Variants in SPG11 observed in about 807,000 individuals in gnomAD.
The protein encoded by SPG11 is spatacsin.
A neutral mutation model predicts 274.0 loss-of-function variants in SPG11; 222 were observed. The ratio of observed to expected loss-of-function variants is 0.81; its 90% confidence interval spans 0.73 to 0.91. The LOEUF (loss-of-function observed/expected upper bound fraction) is 0.91. SPG11 is among the 40% of genes least tolerant of loss of function. The pLI is 0.00. For missense variants in SPG11, 3,114 were observed against 2,872.7 expected, an observed-to-expected ratio of 1.08 and a Z score of -1.92; for synonymous variants, 1,144 against 1,039.7, an observed-to-expected ratio of 1.10 and a Z score of -1.93.
chr15:44,622,731 A>G lies in SPG11; in HGVS notation c.2313T>C (p.Phe771=). The G allele has an allele frequency of 1.9e-6, 3 of 1,612,232 alleles. 1 individual carries two copies. In the South Asian group the frequency reaches 3.3e-5, roughly 18 times the overall value. Residue 771 remains phenylalanine, a synonymous_variant, in exon 12 of 40, where the codon TTT becomes TTC. Coordinates refer to ENST00000261866, the MANE Select transcript of SPG11 (RefSeq NM_025137.4). ...ATGTAGTCTCACCTTTACCTACCAA[A>G]AAGTCACGTATATTTTTATTAGTTG... The part of the protein sequence containing the change: ...FYTTNKNIRD[F]LVEILKEKNY...
At chr15:44,569,663 C>T (rs1279337826) in intron 34 of SPG11, among the ~76,000 whole-genome samples, 158 bp from the exon 35 acceptor site, 2 of 151,842 alleles carry the variant, frequency 1.3e-5, no homozygotes, top group African/African-American at 4.8e-5. Context: ...ATGTACCCAA[C>T]AGGGGGCCTC....
chr15:44,620,917 T>C, intron 14 of SPG11: 1 of 157,828 alleles, frequency 6.3e-6, no homozygotes, highest in Non-Finnish European at 1.4e-5. Flanking sequence ...CAAGCTGGTC[T>C]TGAACTCAGG....
At chr15:44,660,754 A>T in intron 1 of SPG11, 138 bp from the exon 2 acceptor site, 1 of 796,520 alleles carries the variant, frequency 1.3e-6, no homozygotes. Flanking sequence ...AATCTAAGAG[A>T]ACATAAACTG....
At chr15:44,585,610 A>G (rs2082744330) in intron 29 of SPG11, 26 bp downstream of exon 29, 4 of 1,547,046 alleles carry the variant, frequency 2.6e-6, no homozygotes, top group Non-Finnish European at 3.5e-6. Flanking sequence ...TCTAAAAAAA[A>G]AAAAAAAAAA....
intron 7 of SPG11, among the ~76,000 whole-genome samples, chr15:44,643,592 T>A (rs1296232380): frequency 2.0e-5 from 3 of 151,952 alleles, no homozygotes; most frequent in African/African-American, 7.2e-5. Context: ...CTTGTAAGAA[T>A]AAATCTGCAC....
At position 44,585,717 on chromosome 15, in the gene SPG11, C is replaced by T. The variant is rs748057725; in HGVS notation, c.5040G>A (p.Leu1680=). 6.2e-7 allele frequency: 1 copy of T among 1,613,656 alleles called. No individual in the cohort carries two copies. The highest frequency in any genetic ancestry group is 1.3e-5 in the African/African-American group (1 of 74,816). Residue 1680 remains leucine (L), a synonymous_variant, in exon 29 of 40, where the codon CTG becomes CTA. Transcript: ENST00000261866. ...CCAAAGCGAATTGTCCATCTGTCTG[C>T]AGTCTTTCCAAAATAGATCTACATT... ...QHECRSILER[L]QTDGQFALAR...
At position 44,626,623 on chromosome 15, in the gene SPG11, A is replaced by G. The variant is rs901040133; in HGVS notation, c.2068-116T>C. Reference sequence around the variant, plus strand: ...ACAAAGGAACTTTTATTTAAAATCTATTACTAGATTTGGAGTTAGGTTCAA... The same window carrying G: ...ACAAAGGAACTTTTATTTAAAATCTGTTACTAGATTTGGAGTTAGGTTCAA... On this transcript the variant is annotated intron_variant, in intron 10 of 39. Coordinates refer to ENST00000261866, the MANE Select transcript of SPG11 (RefSeq NM_025137.4). The G allele has an allele frequency of 1.0e-5, 11 of 1,090,892 alleles. No homozygotes were observed. The African/African-American group carries it at 1.7e-4, about 17-fold the overall frequency. 67.6% of individuals were successfully genotyped at this position (1,090,892 alleles called of 1,614,324 possible). A position where few individuals can be genotyped will look rare whatever the true frequency, so the allele number is the denominator to read the frequency against.
chr15:44,633,381 C>T (rs1024931866), intron 8 of SPG11, 124 bp downstream of exon 8: 9 of 149,746 alleles, frequency 6.0e-5, no homozygotes, highest in South Asian at 3.6e-4. Flanking sequence ...CCAAAAAGTA[C>T]GTAAAATCCC....
intron 6 of SPG11, among the ~76,000 whole-genome samples, chr15:44,649,266 A>G (rs559254022): frequency 1.3e-5 from 2 of 152,196 alleles, no homozygotes; most frequent in South Asian, 4.1e-4. Context: ...TGGTGTGATC[A>G]TAGCTCACTG....
chr15:44,610,263 G>A (rs1354447463), intron 18 of SPG11, among the ~76,000 whole-genome samples: 1 of 151,696 alleles, frequency 6.6e-6, no homozygotes, highest in Non-Finnish European at 1.5e-5. Context: ...ATGTTGCCCA[G>A]GCTGGTCTCA....
At chr15:44,581,106 T>C (rs186794745) in intron 30 of SPG11, among the ~76,000 whole-genome samples, 4 of 152,292 alleles carry the variant, frequency 2.6e-5, no homozygotes, top group African/African-American at 9.6e-5. Flanking sequence ...ACTGTTTATA[T>C]AGATGAACAA....
At position 44,569,301 on chromosome 15, in the gene SPG11, A is replaced by G. The variant is rs1028239643; in HGVS notation, c.6585+97T>C. 16 of 923,014 alleles carry G rather than the reference A, an allele frequency of 1.7e-5. No homozygotes were observed. In the African/African-American group the frequency reaches 2.6e-4, roughly 15 times the overall value. 57.2% of individuals were successfully genotyped at this position (923,014 alleles called of 1,614,324 possible). A position where few individuals can be genotyped will look rare whatever the true frequency, so the allele number is the denominator to read the frequency against. On this transcript the variant is annotated intron_variant, in intron 35 of 39. Transcript: ENST00000261866. ...CCTAATTCCTTCCCTCCATTTTCCCAAGAGTCTACCCTGACTGAGATTATT... is the reference window on the plus strand; with the variant it reads ...CCTAATTCCTTCCCTCCATTTTCCCGAGAGTCTACCCTGACTGAGATTATT...
chr15:44,641,797 T>C (rs2084451044), intron 7 of SPG11, among the ~76,000 whole-genome samples: 1 of 150,966 alleles, frequency 6.6e-6, no homozygotes, highest in Non-Finnish European at 1.5e-5. Context: ...AAAACTAGAG[T>C]ATTATCAATA....
At chr15:44,648,320 T>C (rs891293907) in intron 7 of SPG11, among the ~76,000 whole-genome samples, 29 of 152,162 alleles carry the variant, frequency 1.9e-4, no homozygotes, top group Non-Finnish European at 3.8e-4. Flanking sequence ...AGACCAGCCA[T>C]GGCCAACATG....
In SPG11 at chr15:44,563,204, C is replaced by G. The variant is rs371313584; in HGVS notation, c.7249G>C (p.Glu2417Gln). ...DVYLYYKLAYEHKFYEIVNVL... is the reference protein window; with the variant it reads ...DVYLYYKLAYQHKFYEIVNVL... The stretch of plus-strand genomic sequence containing the variant: ...TTTACAATTTCATAAAACTTGTGTT[C>G]GTATGCCAACTTGTAATACAGGTAA... The change falls in exon 40 of 40, where the codon GAA (glutamate) becomes CAA (glutamine). Residue 2417 changes from glutamate (E) to glutamine (Q), a missense_variant. Glu to Gln is a conservative substitution (Grantham distance 29). Transcript: ENST00000261866. The G allele has an allele frequency of 5.0e-6, 8 of 1,614,082 alleles. No individual in the cohort carries two copies. In the South Asian group the frequency reaches 8.8e-5, roughly 18 times the overall value.
intron 23 of SPG11, chr15:44,597,266 C>T: frequency 3.5e-6 from 1 of 282,426 alleles, no homozygotes; most frequent in South Asian, 3.6e-5. Flanking sequence ...GCATGTGCCA[C>T]CACACCCGGC....
At chr15:44,585,262 C>A (rs781300621) in intron 29 of SPG11, among the ~76,000 whole-genome samples, 118 of 151,738 alleles carry the variant, frequency 7.8e-4, no homozygotes, top group Non-Finnish European at 9.9e-4. Flanking sequence ...CTGTTTAATG[C>A]TGATTTTAAA....
intron 33 of SPG11, 43 bp from the exon 34 acceptor site, chr15:44,570,701 C>A (rs747819733): frequency 6.2e-7 from 1 of 1,603,672 alleles, no homozygotes; most frequent in Non-Finnish European, 8.5e-7. Flanking sequence ...TGAACCCTGG[C>A]TGCCCACTGT....
chr15:44,604,035 T>G lies in SPG11; in HGVS notation c.3520+1990A>C, dbSNP rs1382912593. On this transcript the variant is annotated intron_variant, in intron 20 of 39. Coordinates refer to ENST00000261866, the MANE Select transcript of SPG11 (RefSeq NM_025137.4). ...ACTATTCAATTGTCTCTTAACCACTTACTACCTATTTTTTAAAAAAGACAA... is the reference window on the plus strand; with the variant it reads ...ACTATTCAATTGTCTCTTAACCACTGACTACCTATTTTTTAAAAAAGACAA... 4 of 346,406 alleles carry G rather than the reference T, an allele frequency of 1.2e-5. No individual in the cohort carries two copies. In the East Asian group the frequency reaches 3.1e-4, roughly 27 times the overall value. The allele number at this position is 346,406 out of a possible 1,614,324, so 21.5% of individuals were successfully genotyped here.
Sources: allele counts gnomAD v4.1 joint callset (sites outside exome capture counted in the v4.1 genomes callset), GRCh38; gene constraint gnomAD v4.1.1; transcripts MANE v1.5; gene names NCBI Gene and HGNC (gene_info 2026-07-23, HGNC 2026-07-21).